Variants in KLHL3 observed in about 807,000 individuals in gnomAD.
KLHL3 encodes the protein kelch-like protein 3.
In KLHL3, 19 loss-of-function variants were observed where a neutral mutation model predicts 70.5. That is an observed-to-expected ratio of 0.27 (90% CI 0.19 to 0.40). The LOEUF (loss-of-function observed/expected upper bound fraction) is 0.40. Ranked by LOEUF, KLHL3 falls within the 10% of genes least tolerant of loss-of-function variation. KLHL3 has a pLI of 1.00. For synonymous variants in KLHL3, 258 were observed against 290.3 expected (o/e 0.89, Z 1.13); for missense variants, 512 against 771.1 (o/e 0.66, Z 3.98).
Position 137,729,167 on chromosome 5 carries a change from C to A in KLHL3, c.14+6466G>T, listed in dbSNP as rs563821055. Among the ~76,000 whole-genome samples, 346 of 152,092 alleles carry A rather than the reference C, an allele frequency of 2.3e-3. 1 individual carries two copies. Among genetic ancestry groups the A allele is most frequent in the African/African-American group, 7.9e-3 (328 of 41,456 alleles). On this transcript the variant is annotated intron_variant, in intron 1 of 14. Coordinates refer to ENST00000309755, the MANE Select transcript of KLHL3 (RefSeq NM_017415.3). The stretch of plus-strand genomic sequence containing the variant: ...GTCATGAGCTGATACTGGCCACATA[C>A]AAGAGGCCCAAGCACATTATGTTCA...
At chr5:137,662,632 A>T (rs896474796) in intron 6 of KLHL3, among the ~76,000 whole-genome samples, 1 of 152,180 alleles carries the variant, frequency 6.6e-6, no homozygotes, top group Non-Finnish European at 1.5e-5. Context: ...AGGGCTTAGA[A>T]CCAAAAAGGC....
In KLHL3 at chr5:137,639,267, A is replaced by G; in HGVS notation, c.1022-117T>C. ...GAAAAGTCGCCACCGAAGATACTTT[A>G]GGTATTTGGCAGTCATTATGGGATT... On this transcript the variant is annotated intron_variant, in intron 9 of 14. Transcript: ENST00000309755. This position sits in a 1 kb window ranked among gnomAD's most constrained non-coding sequence, Gnocchi z 5.0. 1 of 922,700 alleles carries G rather than the reference A, an allele frequency of 1.1e-6. No homozygotes were observed. The highest frequency in any genetic ancestry group is 2.2e-5 in the Admixed American group (1 of 44,702). 57.2% of individuals were successfully genotyped at this position (922,700 alleles called of 1,614,324 possible). A position where few individuals can be genotyped will look rare whatever the true frequency, so the allele number is the denominator to read the frequency against.
intron 8 of KLHL3, among the ~76,000 whole-genome samples, chr5:137,655,744 G>A (rs911168680): frequency 6.6e-6 from 1 of 152,128 alleles, no homozygotes; most frequent in South Asian, 2.1e-4. Flanking sequence ...AGCATTTTGG[G>A]AGGCCAAGGT....
intron 8 of KLHL3, among the ~76,000 whole-genome samples, chr5:137,657,422 G>A (rs780195008): frequency 5.3e-5 from 8 of 152,090 alleles, no homozygotes; most frequent in Non-Finnish European, 1.0e-4. Flanking sequence ...TTTAGGGATC[G>A]AGTGGAGCAT....
rs572927504 is a variant in KLHL3, at chr5:137,662,048, C to T, written c.637-17G>A. ...TTCAAACACCTATAAAGAAAAGCAA[C>T]ATGGGCAACTTCAGTAAAGAGACAA... On this transcript the variant is annotated splice_polypyrimidine_tract_variant and intron_variant, in intron 6 of 14. Coordinates refer to ENST00000309755, the MANE Select transcript of KLHL3 (RefSeq NM_017415.3). 21 of 1,246,764 alleles carry T rather than the reference C, an allele frequency of 1.7e-5. No individual in the cohort carries two copies. In the South Asian group the frequency reaches 2.2e-4, roughly 13 times the overall value. The allele number at this position is 1,246,764 out of a possible 1,614,324, so 77.2% of individuals were successfully genotyped here.
intron 13 of KLHL3, among the ~76,000 whole-genome samples, chr5:137,627,659 C>T (rs759029021): frequency 5.9e-5 from 9 of 152,228 alleles, no homozygotes; most frequent in South Asian, 2.1e-4. Flanking sequence ...ACACAGTACA[C>T]GACCCACAAG....
At chr5:137,686,049 G>A (rs1341449759) in intron 5 of KLHL3, among the ~76,000 whole-genome samples, 3 of 152,178 alleles carry the variant, frequency 2.0e-5, no homozygotes, top group Non-Finnish European at 4.4e-5. Flanking sequence ...AGAAGGAAAA[G>A]AAACAGAATT....
chr5:137,665,131 G>A (rs7730422), intron 6 of KLHL3, among the ~76,000 whole-genome samples: 7,687 of 152,150 alleles, frequency 0.051, 653 homozygotes, highest in African/African-American at 0.18. Flanking sequence ...TCTATAGGAC[G>A]GCTGGCCTGG....
chr5:137,653,584 T>C (rs996015243), intron 8 of KLHL3, among the ~76,000 whole-genome samples: 1 of 152,212 alleles, frequency 6.6e-6, no homozygotes, highest in African/African-American at 2.4e-5. Flanking sequence ...ATGGCTACAA[T>C]TTTTAAAAAT....
chr5:137,696,335 TG>T (rs10711205), intron 4 of KLHL3, among the ~76,000 whole-genome samples: 120,436 of 151,938 alleles, frequency 0.79, 48,008 homozygotes, highest in East Asian at 0.98. Context: ...GGAAAAGAGG[TG>T]GGGGGGTATA....
chr5:137,682,436 G>C (rs1752054867), intron 5 of KLHL3, among the ~76,000 whole-genome samples: 1 of 94,438 alleles, frequency 1.1e-5, no homozygotes, highest in African/African-American at 4.0e-5. Flanking sequence ...AGAGAGAGAG[G>C]CATAGACAGA....
Position 137,621,881 on chromosome 5 carries a change from T to G in KLHL3, c.*217A>C. The G allele has an allele frequency of 1.7e-6, 1 of 593,574 alleles. No homozygotes were observed. The highest frequency in any genetic ancestry group is 4.5e-4 in the Middle Eastern group (1 of 2,214). The allele number at this position is 593,574 out of a possible 1,614,324, so 36.8% of individuals were successfully genotyped here. The stretch of plus-strand genomic sequence containing the variant: ...TGCCTGGGGATGTCAAGACCCCCCT[T>G]GCTCAGGGCATAGGCCAGAGCACCT... On this transcript the variant is annotated 3_prime_UTR_variant, in exon 15 of 15. Transcript: ENST00000309755.
intron 13 of KLHL3, 39 bp from the exon 14 acceptor site, chr5:137,625,935 G>T: frequency 1.2e-6 from 2 of 1,613,262 alleles, no homozygotes; most frequent in South Asian, 2.2e-5. Flanking sequence ...CATCACAGCA[G>T]GTGCACTAAG....
At chr5:137,646,090 A>C (rs1169841687) in intron 8 of KLHL3, among the ~76,000 whole-genome samples, 1 of 152,224 alleles carries the variant, frequency 6.6e-6, no homozygotes, top group East Asian at 1.9e-4. Context: ...TAAATAACAG[A>C]AAAACAGATA....
chr5:137,725,958 A>G (rs1000761258), intron 1 of KLHL3, among the ~76,000 whole-genome samples: 1 of 152,170 alleles, frequency 6.6e-6, no homozygotes, highest in African/African-American at 2.4e-5. Flanking sequence ...GGATAGACAT[A>G]GTTGGCCCTT....
intron 1 of KLHL3, chr5:137,720,886 T>C (rs968218816): frequency 3.5e-6 from 4 of 1,153,220 alleles, no homozygotes; most frequent in Non-Finnish European, 4.3e-6. Flanking sequence ...AAGCACTCTA[T>C]CACTCACTTC....
At chr5:137,672,062 T>TCCA (rs1751773980) in intron 6 of KLHL3, 1 of 152,184 alleles carries the variant, frequency 6.6e-6, no homozygotes, top group African/African-American at 2.4e-5. Context: ...GTTATTGAAT[T>TCCA]CCACCATCCA....
intron 3 of KLHL3, among the ~76,000 whole-genome samples, chr5:137,707,098 C>G (rs1752699986): frequency 6.6e-6 from 1 of 151,986 alleles, no homozygotes; most frequent in Admixed American, 6.6e-5. Context: ...GAGAACATTC[C>G]AGGAAGATGA....
Position 137,620,373 on chromosome 5 carries a change from G to C in KLHL3, c.*1725C>G, listed in dbSNP as rs1750252210. ...CACAAAGTGGCTCACTGGCTGGGAA[G>C]ACTTCGGGGTTTCTAACTGCAGGGG... On this transcript the variant is annotated 3_prime_UTR_variant, in exon 15 of 15. Coordinates refer to ENST00000309755, the MANE Select transcript of KLHL3 (RefSeq NM_017415.3). 6.6e-6 allele frequency: 1 copy of C among 152,214 alleles called. No homozygotes were observed. The highest frequency in any genetic ancestry group is 2.4e-5 in the African/African-American group (1 of 41,450). The allele number at this position is 152,214 out of a possible 1,614,324, so 9.4% of individuals were successfully genotyped here. A position where few individuals can be genotyped will look rare whatever the true frequency, so the allele number is the denominator to read the frequency against.
Sources: allele counts gnomAD v4.1 joint callset (sites outside exome capture counted in the v4.1 genomes callset), GRCh38; gene constraint gnomAD v4.1.1; non-coding constraint Gnocchi (gnomAD v3.1); transcripts MANE v1.5; gene names NCBI Gene and HGNC (gene_info 2026-07-23, HGNC 2026-07-21).